ADARB1: variants seen among roughly 807,000 people sequenced by gnomAD.
The protein encoded by ADARB1 is adenosine deaminase RNA specific B1, also known as double-stranded RNA-specific editase 1.
Under a neutral mutation model 52.4 loss-of-function variants are expected in ADARB1, and 10 were observed. That is an observed-to-expected ratio of 0.19 (90% CI 0.12 to 0.32). The LOEUF is 0.32. Ranked by LOEUF, ADARB1 falls within the 10% of genes least tolerant of loss-of-function variation. The probability of loss-of-function intolerance (pLI) is 1.00; values close to 1 mark genes in which losing one functional copy is unlikely to be tolerated. For missense variants in ADARB1, 643 were observed against 922.3 expected (o/e 0.70, Z 3.92); for synonymous variants, 349 against 371.1 (o/e 0.94, Z 0.68).
intron 8 of ADARB1, among the ~76,000 whole-genome samples, chr21:45,186,055 T>G (rs1276047216): frequency 6.6e-6 from 1 of 152,234 alleles, no homozygotes; most frequent in East Asian, 1.9e-4. Flanking sequence ...ATTTATTATT[T>G]GTCCTTCCAG....
intron 1 of ADARB1, among the ~76,000 whole-genome samples, chr21:45,075,199 C>A (rs937816426): frequency 5.9e-5 from 9 of 151,528 alleles, no homozygotes; most frequent in African/African-American, 2.2e-4. Context: ...CGAGGCTGCG[C>A]CCGGGGACCA....
chr21:45,078,836 C>G (rs1030750707), intron 1 of ADARB1, among the ~76,000 whole-genome samples: 4 of 152,206 alleles, frequency 2.6e-5, no homozygotes, highest in African/African-American at 7.2e-5. Flanking sequence ...ATATGCCAGG[C>G]TGTTTTAAGA....
chr21:45,186,780 A>G (rs1031924264), intron 8 of ADARB1, among the ~76,000 whole-genome samples: 2 of 152,122 alleles, frequency 1.3e-5, no homozygotes, highest in Admixed American at 6.6e-5. Flanking sequence ...GAGAAGATGC[A>G]GTGTCTTTTG....
intron 2 of ADARB1, among the ~76,000 whole-genome samples, chr21:45,169,046 G>A (rs374926968): frequency 3.3e-5 from 5 of 152,320 alleles, no homozygotes. Context: ...CTCCCGGATA[G>A]CTCCCTGTTG....
At chr21:45,129,746 G>T (rs1482901497) in intron 2 of ADARB1, among the ~76,000 whole-genome samples, 1 of 152,208 alleles carries the variant, frequency 6.6e-6, no homozygotes, top group Non-Finnish European at 1.5e-5. Flanking sequence ...TCACCAGGGC[G>T]TGAGCGTGGA....
chr21:45,173,239 T>C (rs1184451180), intron 3 of ADARB1, among the ~76,000 whole-genome samples: 5 of 152,260 alleles, frequency 3.3e-5, no homozygotes, highest in Non-Finnish European at 7.3e-5. Context: ...ATTCTGGTCC[T>C]GTATTTGTAT....
rs918744333 is a variant in ADARB1 at position 45,192,293 on chromosome 21, G to C, written c.1565+7202G>C. On this transcript the variant is annotated intron_variant, in intron 8 of 10. Transcript: ENST00000348831. ...GTATGGGAAGGAGTAACCAAATAAG[G>C]TGGACATTTGAAAATTATGATGTAT... Among the ~76,000 whole-genome samples, 3 of 152,064 alleles carry C rather than the reference G, an allele frequency of 2.0e-5. No homozygotes were observed. In the East Asian group the frequency reaches 5.8e-4, roughly 29 times the overall value.
intron 8 of ADARB1, among the ~76,000 whole-genome samples, chr21:45,188,698 G>A (rs967694339): frequency 2.0e-5 from 3 of 151,926 alleles, no homozygotes; most frequent in African/African-American, 4.8e-5. Context: ...CACTGATAGG[G>A]AAGACTTACT....
At chr21:45,201,115 G>A (rs1358365016) in intron 8 of ADARB1, among the ~76,000 whole-genome samples, 2 of 152,236 alleles carry the variant, frequency 1.3e-5, no homozygotes, top group East Asian at 1.9e-4. Context: ...CGCAGGACAG[G>A]TGGCTGTGGA....
At chr21:45,133,370 G>C (rs1313459977) in intron 2 of ADARB1, among the ~76,000 whole-genome samples, 7 of 152,226 alleles carry the variant, frequency 4.6e-5, no homozygotes, top group Non-Finnish European at 1.0e-4. Context: ...AAGGCGTATA[G>C]GCAGGGTCTC....
chr21:45,109,859 G>A (rs772816464), intron 1 of ADARB1, among the ~76,000 whole-genome samples: 4 of 152,108 alleles, frequency 2.6e-5, no homozygotes, highest in Admixed American at 2.6e-4. Flanking sequence ...TTCTGTGTGC[G>A]GTTGTACGTC....
intron 2 of ADARB1, among the ~76,000 whole-genome samples, chr21:45,151,539 T>G (rs2090289189): frequency 1.3e-5 from 2 of 152,118 alleles, no homozygotes; most frequent in Admixed American, 6.5e-5. Context: ...TCTGCTTGAC[T>G]CCTCCCCATA....
Position 45,221,785 on chromosome 21 carries a change from T to G in ADARB1, c.1927-233T>G, listed in dbSNP as rs998852374. Among the ~76,000 whole-genome samples, 32 of 152,340 alleles carry G rather than the reference T, an allele frequency of 2.1e-4. No homozygotes were observed. The highest frequency in any genetic ancestry group is 1.5e-5 in the Non-Finnish European group (1 of 68,030). ...AGCATGTCTTCAGAACTCGGGGGTC[T>G]GTAGCTGCCTGTTTGACCAGCAAGA... On this transcript the variant is annotated intron_variant, in intron 10 of 10. Transcript: ENST00000348831. The surrounding 1 kb of genome is among the most constrained non-coding windows in gnomAD (Gnocchi z 4.9).
At chr21:45,119,135 G>A (rs1303277182) in intron 1 of ADARB1, among the ~76,000 whole-genome samples, 2 of 152,106 alleles carry the variant, frequency 1.3e-5, no homozygotes, top group African/African-American at 2.4e-5. Flanking sequence ...TGTCACCCAG[G>A]GTGAAGTGCA....
chr21:45,098,817 T>A (rs2086879722), intron 1 of ADARB1, among the ~76,000 whole-genome samples: 1 of 152,174 alleles, frequency 6.6e-6, no homozygotes, highest in African/African-American at 2.4e-5. Context: ...TTGTGTATAT[T>A]TGTGTGTGTT....
rs1357375726 is a variant in ADARB1 at position 45,200,638 on chromosome 21, A to C, written c.1566-3917A>C. ...TCTGATGGAGGTAGGGGAAGCCAAG[A>C]TGGGCTCTGCAGAAGGTGGCCTCCC... On this transcript the variant is annotated intron_variant, in intron 8 of 10. Coordinates refer to ENST00000348831, the MANE Select transcript of ADARB1 (RefSeq NM_001112.4). This position sits in a 1 kb window ranked among gnomAD's most constrained non-coding sequence, Gnocchi z 5.0. Among the ~76,000 whole-genome samples, 1 of 152,218 alleles carries C rather than the reference A, an allele frequency of 6.6e-6. No individual in the cohort carries two copies. Among genetic ancestry groups the C allele is most frequent in the South Asian group, 2.1e-4 (1 of 4,816 alleles).
chr21:45,183,480 A>G lies in ADARB1; in HGVS notation c.1366A>G (p.Ile456Val). 1.2e-6 allele frequency: 2 copies of G among 1,611,446 alleles called. No homozygotes were observed. The highest frequency in any genetic ancestry group is 1.7e-6 in the Non-Finnish European group (2 of 1,179,312). The change falls in exon 7 of 11, where the codon ATC becomes GTC. Residue 456 changes from isoleucine (I) to valine (V), a missense_variant. By Grantham distance (29) the Ile-to-Val change is conservative. Coordinates refer to ENST00000348831, the MANE Select transcript of ADARB1 (RefSeq NM_001112.4). ...CACCTCTCCCTGTGGAGATGCCAGAATCTTCTCACCACATGAGCCAATCCT... is the reference window on the plus strand; with the variant it reads ...CACCTCTCCCTGTGGAGATGCCAGAGTCTTCTCACCACATGAGCCAATCCT... ...ISTSPCGDAR[I>V]FSPHEPILEE...
intron 1 of ADARB1, among the ~76,000 whole-genome samples, chr21:45,087,541 A>C (rs890533323): frequency 2.6e-5 from 4 of 152,042 alleles, no homozygotes; most frequent in African/African-American, 9.7e-5. Context: ...CAGGGGACGG[A>C]GGAGGAGTGG....
chr21:45,092,206 G>A (rs972081736), intron 1 of ADARB1, among the ~76,000 whole-genome samples: 4 of 152,156 alleles, frequency 2.6e-5, no homozygotes, highest in African/African-American at 9.7e-5. Context: ...AGCCTTGCCC[G>A]GAGCTGAGGT....
Sources: gnomAD v4.1 joint callset for allele counts (sites outside exome capture counted in the v4.1 genomes callset) on GRCh38, gnomAD v4.1.1 for gene constraint, Gnocchi (gnomAD v3.1) non-coding constraint, MANE v1.5 for transcripts, NCBI Gene and HGNC (gene_info 2026-07-23, HGNC 2026-07-21) for gene names.